Variants in MX1 observed in about 807,000 individuals in gnomAD.
MX1 encodes MX dynamin like GTPase 1.
In MX1, 66 loss-of-function variants were observed where a neutral mutation model predicts 66.4. That is an observed-to-expected ratio of 0.99 (90% confidence interval 0.82 to 1.22). MX1 has a LOEUF of 1.22. Among genes scored for constraint, MX1 ranks in the 50% most tolerant of loss-of-function variants. MX1 has a pLI of 0.00. For synonymous variants in MX1, 311 were observed against 318.1 expected, an observed-to-expected ratio of 0.98 and a Z score of 0.24; for missense variants, 787 against 834.3, an observed-to-expected ratio of 0.94 and a Z score of 0.70.
intron 5 of MX1, 135 bp from the exon 6 acceptor site, chr21:41,435,702 C>T: frequency 1.0e-6 from 1 of 979,842 alleles, no homozygotes; most frequent in Admixed American, 2.3e-5. Flanking sequence ...TTACCTCCAC[C>T]TGGTCTCTCC....
intron 13 of MX1, among the ~76,000 whole-genome samples, chr21:41,446,363 A>G (rs546051139): frequency 2.8e-4 from 43 of 152,168 alleles, no homozygotes; most frequent in Middle Eastern, 3.4e-3. Context: ...GCTTCCTCGG[A>G]CCTCTTTTTT....
intron 7 of MX1, among the ~76,000 whole-genome samples, chr21:41,438,868 C>A (rs967740094): frequency 3.3e-5 from 5 of 152,164 alleles, no homozygotes; most frequent in Non-Finnish European, 7.4e-5. Flanking sequence ...CCCATTTCTT[C>A]ATTGGGTGTG....
intron 11 of MX1, among the ~76,000 whole-genome samples, chr21:41,445,164 C>T (rs572050124): frequency 3.9e-5 from 6 of 152,180 alleles, no homozygotes; most frequent in Admixed American, 2.0e-4. Context: ...GAACTGCTCC[C>T]GGGTCACTCT....
intron 13 of MX1, among the ~76,000 whole-genome samples, chr21:41,447,650 G>A (rs548441749): frequency 6.6e-6 from 1 of 152,286 alleles, no homozygotes; most frequent in East Asian, 1.9e-4. Flanking sequence ...TCACTGATGG[G>A]TGATGGATGT....
At chr21:41,457,976 G>C (rs2238718) in intron 16 of MX1, among the ~76,000 whole-genome samples, 30,099 of 151,994 alleles carry the variant, frequency 0.2, 3,512 homozygotes, top group East Asian at 0.42. Context: ...TCCTCATCCA[G>C]GTGGTAGCAA....
rs1040110029 is a variant in MX1, at chr21:41,448,912, T to C, written c.1274-225T>C. On this transcript the variant is annotated intron_variant, in intron 13 of 16. Transcript: ENST00000398598. ...CCCTTCCTGAGATGACTAAGGAAAATTATCTTCAGATCTGGTTTTGTGTGT... is the reference window on the plus strand; with the variant it reads ...CCCTTCCTGAGATGACTAAGGAAAACTATCTTCAGATCTGGTTTTGTGTGT... Among the ~76,000 whole-genome samples, 3 of 143,742 alleles carry C rather than the reference T, an allele frequency of 2.1e-5. No individual in the cohort carries two copies. In the Admixed American group the frequency reaches 2.1e-4, roughly 10 times the overall value. 94.3% of individuals were successfully genotyped at this position (143,742 alleles called of 152,430 possible). A position where few individuals can be genotyped will look rare whatever the true frequency, so the allele number is the denominator to read the frequency against.
At position 41,441,569 on chromosome 21, in the gene MX1, A is replaced by G; in HGVS notation, c.731-147A>G. On this transcript the variant is annotated intron_variant, in intron 9 of 16. Coordinates refer to ENST00000398598, the MANE Select transcript of MX1 (RefSeq NM_002462.5). The surrounding 1 kb of genome is among the most constrained non-coding windows in gnomAD (Gnocchi z 4.0). ...GAGTTCTTTTCTGGAGCGGGGCTCC[A>G]CTGCCCCCATGGTTCTGCAGGGGCT... 1.3e-6 allele frequency: 1 copy of G among 795,544 alleles called. No homozygotes were observed. Among genetic ancestry groups the G allele is most frequent in the Non-Finnish European group, 2.1e-6 (1 of 473,546 alleles). 49.3% of individuals were successfully genotyped at this position (795,544 alleles called of 1,614,324 possible). A position where few individuals can be genotyped will look rare whatever the true frequency, so the allele number is the denominator to read the frequency against.
intron 7 of MX1, among the ~76,000 whole-genome samples, chr21:41,438,342 G>A (rs1429901294): frequency 6.6e-6 from 1 of 152,244 alleles, no homozygotes; most frequent in African/African-American, 2.4e-5. Context: ...TAAAACTAAT[G>A]GCTTGACCAC....
intron 4 of MX1, among the ~76,000 whole-genome samples, chr21:41,431,176 CCA>C (rs1348169759): frequency 6.6e-6 from 1 of 152,226 alleles, no homozygotes; most frequent in Non-Finnish European, 1.5e-5. Flanking sequence ...ACACACACCA[CCA>C]CTTCCAGCTA....
In MX1 at chr21:41,441,006, C is replaced by G; in HGVS notation, c.711C>G (p.Pro237=). Residue 237 remains proline (P), a synonymous_variant, in exon 9 of 17, where the codon CCC becomes CCG. Coordinates refer to ENST00000398598, the MANE Select transcript of MX1 (RefSeq NM_002462.5). The surrounding 1 kb of genome is among the most constrained non-coding windows in gnomAD (Gnocchi z 4.0). ...TCAGCATGGCCCAGGAGGTGGACCC[C>G]GAGGGAGACAGGACCATCGGTGAGA... The part of the protein sequence containing the change: ...EALSMAQEVD[P]EGDRTIGILT... 1.2e-6 allele frequency: 2 copies of G among 1,613,982 alleles called. No homozygotes were observed. Among genetic ancestry groups the G allele is most frequent in the South Asian group, 2.2e-5 (2 of 91,066 alleles).
chr21:41,432,766 G>C lies in MX1; in HGVS notation c.105+591G>C, dbSNP rs2090256759. On this transcript the variant is annotated intron_variant, in intron 5 of 16. Transcript: ENST00000398598. Reference sequence around the variant, plus strand: ...TTTATATGGCTGAGAGCAAAGTGCAGGGAGTGTCCAGGTACTCAGAGTGCT... The same window carrying C: ...TTTATATGGCTGAGAGCAAAGTGCACGGAGTGTCCAGGTACTCAGAGTGCT... Among the ~76,000 whole-genome samples the C allele has an allele frequency of 2.0e-5, 3 of 152,322 alleles. No homozygotes were observed. The South Asian group carries it at 6.2e-4, about 32-fold the overall frequency.
chr21:41,434,058 G>GC (rs2090294951), intron 5 of MX1, among the ~76,000 whole-genome samples: 1 of 152,156 alleles, frequency 6.6e-6, no homozygotes, highest in South Asian at 2.1e-4. Flanking sequence ...GTGTAGGGTA[G>GC]CCCCTGCAAC....
chr21:41,442,004 G>GT, intron 10 of MX1, 90 bp downstream of exon 10: 1 of 957,782 alleles, frequency 1.0e-6, no homozygotes, highest in Non-Finnish European at 1.6e-6. Context: ...ACAGATGTGT[G>GT]GAGTGTGTGT....
chr21:41,435,682 C>T (rs530751964), intron 5 of MX1, among the ~76,000 whole-genome samples, 155 bp from the exon 6 acceptor site: 2 of 152,202 alleles, frequency 1.3e-5, no homozygotes, highest in Admixed American at 1.3e-4. Context: ...AAACCTCCCC[C>T]ACAATCCAAT....
chr21:41,445,296 C>T lies in MX1; in HGVS notation c.1009-152C>T, dbSNP rs984140066. On this transcript the variant is annotated intron_variant, in intron 11 of 16. Coordinates refer to ENST00000398598, the MANE Select transcript of MX1 (RefSeq NM_002462.5). ...AGTGCCCCCAGTGTGTGCCCCCCTG[C>T]ACCTCCCCCGGGTCTGGAAAAGCTT... 4.5e-6 allele frequency: 4 copies of T among 887,352 alleles called. No homozygotes were observed. In the African/African-American group the frequency reaches 5.0e-5, roughly 11 times the overall value. 55.0% of individuals were successfully genotyped at this position (887,352 alleles called of 1,614,324 possible). A position where few individuals can be genotyped will look rare whatever the true frequency, so the allele number is the denominator to read the frequency against.
At chr21:41,447,956 C>T (rs1043531665) in intron 13 of MX1, among the ~76,000 whole-genome samples, 1 of 152,218 alleles carries the variant, frequency 6.6e-6, no homozygotes, top group South Asian at 2.1e-4. Flanking sequence ...TCTCGACCTC[C>T]TGACCTCAGG....
At position 41,446,146 on chromosome 21, in the gene MX1, G is replaced by A; in HGVS notation, c.1273+5G>A. The A allele has an allele frequency of 6.2e-7, 1 of 1,612,670 alleles. No homozygotes were observed. The highest frequency in any genetic ancestry group is 8.5e-7 in the Non-Finnish European group (1 of 1,179,218). ...TTGAAAACAATTTTCAAGAAGGTGA[G>A]TGTCTTAGTCCCTTCTTTTGGGCTG... On this transcript the variant is annotated splice_donor_5th_base_variant and intron_variant, in intron 13 of 16. Coordinates refer to ENST00000398598, the MANE Select transcript of MX1 (RefSeq NM_002462.5).
chr21:41,442,527 A>T (rs1278969700), intron 10 of MX1: 1 of 152,858 alleles, frequency 6.5e-6, no homozygotes, highest in Non-Finnish European at 1.5e-5. Context: ...ACATTTTTTA[A>T]AAGGAAAAGA....
intron 16 of MX1, among the ~76,000 whole-genome samples, chr21:41,454,351 A>G (rs1269502047): frequency 1.3e-5 from 2 of 151,980 alleles, no homozygotes; most frequent in Non-Finnish European, 2.9e-5. Flanking sequence ...ACATGACTTT[A>G]TAATATGGTA....
Sources: gnomAD v4.1 joint callset for allele counts (sites outside exome capture counted in the v4.1 genomes callset) on GRCh38, gnomAD v4.1.1 for gene constraint, Gnocchi (gnomAD v3.1) non-coding constraint, MANE v1.5 for transcripts, NCBI Gene and HGNC (gene_info 2026-07-23, HGNC 2026-07-21) for gene names.